FGD4: variants seen among roughly 807,000 people sequenced by gnomAD.
FGD4 encodes FYVE, RhoGEF and PH domain-containing protein 4.
Under a neutral mutation model 102.0 loss-of-function variants are expected in FGD4, and 42 were observed. The ratio of observed to expected loss-of-function variants is 0.41; its 90% confidence interval spans 0.32 to 0.53. FGD4 has a LOEUF of 0.53. Among genes scored for constraint, FGD4 ranks in the 20% least tolerant of loss-of-function variants. The probability of loss-of-function intolerance (pLI) is 0.21; values close to 1 mark genes in which losing one functional copy is unlikely to be tolerated. For missense variants in FGD4, 902 were observed against 1,078.2 expected, an observed-to-expected ratio of 0.84 and a Z score of 2.29; for synonymous variants, 380 against 375.7, an observed-to-expected ratio of 1.01 and a Z score of -0.13.
At chr12:32,404,991 T>C (rs551235987) in intron 1 of FGD4, among the ~76,000 whole-genome samples, 2 of 152,264 alleles carry the variant, frequency 1.3e-5, no homozygotes, top group East Asian at 3.9e-4. Flanking sequence ...TGGAGAGCAG[T>C]GGCGCAATCT....
rs776546962 is a variant in FGD4 at position 32,555,569 on chromosome 12, C to CTTT, written c.167-8551_167-8549dup. ...AATATTTAATTTTAAGAGACAAGGT[C>CTTT]TTTTTTTTTTTTTTTTTTTCGAGAT... On this transcript the variant is annotated intron_variant, in intron 1 of 16. Coordinates refer to ENST00000534526, the MANE Select transcript of FGD4 (RefSeq NM_001370298.3). Among the ~76,000 whole-genome samples, 386 of 118,722 alleles carry CTTT rather than the reference C, an allele frequency of 3.3e-3. 6 individuals are homozygous for CTTT. Among genetic ancestry groups the CTTT allele is most frequent in the African/African-American group, 9.9e-3 (315 of 31,864 alleles). 77.9% of individuals were successfully genotyped at this position (118,722 alleles called of 152,430 possible).
At chr12:32,444,021 C>CTTTTTT (rs67353121) in intron 1 of FGD4, among the ~76,000 whole-genome samples, 6 of 119,114 alleles carry the variant, frequency 5.0e-5, no homozygotes, top group Non-Finnish European at 9.3e-5. Flanking sequence ...ACTTTGTTTT[C>CTTTTTT]TTTTTTTTTT....
intron 1 of FGD4, among the ~76,000 whole-genome samples, chr12:32,531,496 A>G (rs889350149): frequency 1.3e-5 from 2 of 152,120 alleles, no homozygotes; most frequent in African/African-American, 4.8e-5. Context: ...GCAACCTTGG[A>G]TCTGTTTACT....
At chr12:32,611,811 G>A (rs889434731) in intron 10 of FGD4, among the ~76,000 whole-genome samples, 1 of 152,240 alleles carries the variant, frequency 6.6e-6, no homozygotes, top group African/African-American at 2.4e-5. Flanking sequence ...AGCAGTTGCT[G>A]CAGTGATGCT....
intron 7 of FGD4, among the ~76,000 whole-genome samples, chr12:32,606,047 A>G (rs1283767790): frequency 6.6e-6 from 1 of 152,258 alleles, no homozygotes; most frequent in East Asian, 1.9e-4. Flanking sequence ...TCTGCTGCTT[A>G]TAGTCACTTG....
chr12:32,600,384 A>G lies in FGD4; in HGVS notation c.1102-894A>G, dbSNP rs944905492. On this transcript the variant is annotated intron_variant, in intron 5 of 16. Transcript: ENST00000534526. ...AACTATTGGAGCCTCTAAGGACATA[A>G]TTTTTTGTTCTTTTTGCCTCTCAAG... 3.1e-5 allele frequency: 35 copies of G among 1,136,058 alleles called. No individual in the cohort carries two copies. The Admixed American group carries it at 8.1e-4, about 26-fold the overall frequency. The allele number at this position is 1,136,058 out of a possible 1,614,324, so 70.4% of individuals were successfully genotyped here. A position where few individuals can be genotyped will look rare whatever the true frequency, so the allele number is the denominator to read the frequency against.
intron 1 of FGD4, among the ~76,000 whole-genome samples, chr12:32,563,620 A>G (rs12832731): frequency 1.3e-5 from 2 of 152,186 alleles, no homozygotes; most frequent in East Asian, 1.9e-4. Flanking sequence ...AGAGGCTGCA[A>G]TCTCGGCACT....
intron 2 of FGD4, among the ~76,000 whole-genome samples, chr12:32,564,583 T>G (rs1565848058): frequency 6.6e-6 from 1 of 152,214 alleles, no homozygotes; most frequent in African/African-American, 2.4e-5. Flanking sequence ...TACAGGGACT[T>G]ACTGTCTGTG....
intron 15 of FGD4, among the ~76,000 whole-genome samples, chr12:32,636,555 A>G (rs532602335): frequency 1.3e-5 from 2 of 151,842 alleles, no homozygotes; most frequent in South Asian, 2.1e-4. Flanking sequence ...AAAATTGTCT[A>G]TGCTGAAGCA....
intron 1 of FGD4, among the ~76,000 whole-genome samples, chr12:32,419,257 A>G (rs1421710722): frequency 6.6e-6 from 1 of 152,160 alleles, no homozygotes; most frequent in African/African-American, 2.4e-5. Context: ...TTTCTCAAAC[A>G]GGAGTCTTTC....
intron 12 of FGD4, chr12:32,624,712 G>A (rs1333242319): frequency 9.1e-6 from 6 of 658,308 alleles, no homozygotes; most frequent in African/African-American, 1.8e-5. Context: ...GAGCTCAAGC[G>A]ATCTGCCTGC....
rs1037529663 is a variant in FGD4 at position 32,576,544 on chromosome 12, A to C, written c.503+95A>C. ...TAGATACATTCTAAATAAAAAGCATAATATCTTATTCCATTAGGTTTGGTA... is the reference window on the plus strand; with the variant it reads ...TAGATACATTCTAAATAAAAAGCATCATATCTTATTCCATTAGGTTTGGTA... On this transcript the variant is annotated intron_variant, in intron 3 of 16. Transcript: ENST00000534526. 11 of 1,377,002 alleles carry C rather than the reference A, an allele frequency of 8.0e-6. No homozygotes were observed. The Admixed American group carries it at 1.8e-4, about 23-fold the overall frequency. 85.3% of individuals were successfully genotyped at this position (1,377,002 alleles called of 1,614,324 possible). A position where few individuals can be genotyped will look rare whatever the true frequency, so the allele number is the denominator to read the frequency against.
chr12:32,576,498 T>C (rs773986552), intron 3 of FGD4, 49 bp downstream of exon 3: 2 of 1,600,738 alleles, frequency 1.2e-6, no homozygotes, highest in South Asian at 2.2e-5. Flanking sequence ...AGAAAGCTGA[T>C]TTTCGAAAAA....
rs574667409 is a variant in FGD4 at position 32,554,336 on chromosome 12, G to A, written c.167-9801G>A. Reference sequence around the variant, plus strand: ...ATGTTTTGGATTTTAGATTTAAATGGAAATATCAAATTTTATATAGGTTGG... The same window carrying A: ...ATGTTTTGGATTTTAGATTTAAATGAAAATATCAAATTTTATATAGGTTGG... On this transcript the variant is annotated intron_variant, in intron 1 of 16. Transcript: ENST00000534526. Among the ~76,000 whole-genome samples the A allele has an allele frequency of 4.6e-5, 7 of 152,192 alleles. No individual in the cohort carries two copies. In the East Asian group the frequency reaches 1.4e-3, roughly 29 times the overall value.
In FGD4 at chr12:32,417,201, C is replaced by A. The variant is rs148499278; in HGVS notation, c.166+17242C>A. ...GAGCCACCGCGCCTGGCCTAACGTCCTTTTCTTTCTGATTGAAGTACCATT... is the reference window on the plus strand; with the variant it reads ...GAGCCACCGCGCCTGGCCTAACGTCATTTTCTTTCTGATTGAAGTACCATT... On this transcript the variant is annotated intron_variant, in intron 1 of 16. Transcript: ENST00000534526. Among the ~76,000 whole-genome samples the A allele has an allele frequency of 2.2e-3, 342 of 152,172 alleles. 4 individuals are homozygous for A. Among genetic ancestry groups the A allele is most frequent in the African/African-American group, 8.0e-3 (332 of 41,522 alleles).
intron 2 of FGD4, among the ~76,000 whole-genome samples, chr12:32,573,765 G>A (rs1909509): frequency 0.18 from 27,404 of 152,032 alleles, 2,590 homozygotes; most frequent in Middle Eastern, 0.27. Context: ...TAAAATACCT[G>A]TGTACCCAGT....
At chr12:32,449,339 A>G (rs1320226465) in intron 1 of FGD4, among the ~76,000 whole-genome samples, 2 of 152,252 alleles carry the variant, frequency 1.3e-5, no homozygotes, top group African/African-American at 4.8e-5. Flanking sequence ...AATGCCCTTC[A>G]TGGCAAAAGG....
chr12:32,400,014 G>A, intron 1 of FGD4, 55 bp downstream of exon 1: 1 of 1,410,460 alleles, frequency 7.1e-7, no homozygotes. Context: ...GTGCGGGTGA[G>A]GGGCGCTCCC....
intron 6 of FGD4, 46 bp downstream of exon 6, chr12:32,601,469 G>A (rs995317528): frequency 6.4e-7 from 1 of 1,566,742 alleles, no homozygotes; most frequent in Non-Finnish European, 8.6e-7. Flanking sequence ...CAGTCATGCT[G>A]TATTTTTCAG....
Sources: gnomAD v4.1 joint callset for allele counts (sites outside exome capture counted in the v4.1 genomes callset) on GRCh38, gnomAD v4.1.1 for gene constraint, MANE v1.5 for transcripts, NCBI Gene and HGNC (gene_info 2026-07-23, HGNC 2026-07-21) for gene names.